The following FBXW4 variants were observed in gnomAD, a reference collection of about 807,000 sequenced individuals.
FBXW4 encodes F-box/WD repeat-containing protein 4.
In FBXW4, 40 loss-of-function variants were observed where a neutral mutation model predicts 61.8. The ratio of observed to expected loss-of-function variants is 0.65; its 90% CI spans 0.50 to 0.84. The LOEUF (loss-of-function observed/expected upper bound fraction) is 0.84. Among genes scored for constraint, FBXW4 ranks in the 40% least tolerant of loss-of-function variants. The pLI is 0.00. For missense variants in FBXW4, 672 were observed against 753.8 expected (o/e 0.89, Z 1.27); for synonymous variants, 311 against 313.8 (o/e 0.99, Z 0.10).
chr10:101,652,005 G>C (rs1255124498), intron 5 of FBXW4, among the ~76,000 whole-genome samples: 1 of 151,838 alleles, frequency 6.6e-6, no homozygotes, highest in Non-Finnish European at 1.5e-5. Context: ...TTTCAAATCC[G>C]AATGGGGAGG....
chr10:101,686,699 A>G (rs1440424216), intron 1 of FBXW4, among the ~76,000 whole-genome samples: 3 of 152,204 alleles, frequency 2.0e-5, no homozygotes, highest in African/African-American at 7.2e-5. Flanking sequence ...ATTAATCATC[A>G]AAACAGGTTC....
chr10:101,682,130 T>C (rs2064484837), intron 1 of FBXW4, among the ~76,000 whole-genome samples: 1 of 152,226 alleles, frequency 6.6e-6, no homozygotes, highest in Admixed American at 6.5e-5. Context: ...TATCCATTAA[T>C]GGTGTTGTCA....
At chr10:101,653,769 T>C (rs942249888) in intron 5 of FBXW4, among the ~76,000 whole-genome samples, 2 of 152,110 alleles carry the variant, frequency 1.3e-5, no homozygotes, top group East Asian at 3.9e-4. Flanking sequence ...ACAAACAGTC[T>C]CTTGTGTTTC....
intron 1 of FBXW4, among the ~76,000 whole-genome samples, chr10:101,680,773 T>C (rs148685697): frequency 0.012 from 1,869 of 152,314 alleles, 18 homozygotes; most frequent in Non-Finnish European, 0.018. Context: ...AAGACAAAAG[T>C]CATTAAATGA....
Position 101,624,824 on chromosome 10 carries a change from G to A in FBXW4, c.1236-14C>T. 1 of 1,614,226 alleles carries A rather than the reference G, an allele frequency of 6.2e-7. No individual in the cohort carries two copies. The highest frequency in any genetic ancestry group is 8.5e-7 in the Non-Finnish European group (1 of 1,180,004). ...GTCACAAAAGAGCTGCCAAACAAAAGGAGAACAAAGTCAGATCTGGCTTGT... is the reference window on the plus strand; with the variant it reads ...GTCACAAAAGAGCTGCCAAACAAAAAGAGAACAAAGTCAGATCTGGCTTGT... On this transcript the variant is annotated splice_polypyrimidine_tract_variant and intron_variant, in intron 5 of 8. Coordinates refer to ENST00000331272, the MANE Select transcript of FBXW4 (RefSeq NM_022039.4).
At chr10:101,630,813 G>A (rs2063948307) in intron 5 of FBXW4, among the ~76,000 whole-genome samples, 1 of 152,170 alleles carries the variant, frequency 6.6e-6, no homozygotes, top group South Asian at 2.1e-4. Flanking sequence ...TAGATGTGAT[G>A]GGAAGGGGAA....
chr10:101,653,993 C>T (rs1408249183), intron 5 of FBXW4, among the ~76,000 whole-genome samples: 1 of 151,952 alleles, frequency 6.6e-6, no homozygotes, highest in African/African-American at 2.4e-5. Flanking sequence ...TGGTGGCATG[C>T]ATCTGTAATC....
At chr10:101,641,200 G>T (rs1209985793) in intron 5 of FBXW4, among the ~76,000 whole-genome samples, 1 of 151,942 alleles carries the variant, frequency 6.6e-6, no homozygotes, top group Admixed American at 6.6e-5. Flanking sequence ...TATTTTCCAC[G>T]TATTCATCTA....
intron 3 of FBXW4, 107 bp from the exon 4 acceptor site, chr10:101,673,154 T>G: frequency 8.0e-6 from 11 of 1,378,358 alleles, no homozygotes; most frequent in African/African-American, 2.9e-5. Flanking sequence ...CCAAATTTGC[T>G]AAGCATTAGA....
Position 101,622,585 on chromosome 10 carries a change from A to T in FBXW4, c.1301+2160T>A, listed in dbSNP as rs552049199. ...TACTAAAAGATACAAAAAATTAGCC[A>T]GGTGTGGTGGCAGGTACCTGTAGTC... On this transcript the variant is annotated intron_variant, in intron 6 of 8. Coordinates refer to ENST00000331272, the MANE Select transcript of FBXW4 (RefSeq NM_022039.4). Among the ~76,000 whole-genome samples the T allele has an allele frequency of 5.3e-4, 80 of 152,180 alleles. 3 individuals carry two copies. The highest frequency in any genetic ancestry group is 4.7e-3 in the Admixed American group (72 of 15,282).
At chr10:101,672,303 T>G (rs1262501533) in intron 4 of FBXW4, among the ~76,000 whole-genome samples, 1 of 152,212 alleles carries the variant, frequency 6.6e-6, no homozygotes, top group East Asian at 1.9e-4. Flanking sequence ...TGGAAGCCTA[T>G]TTGATCCAGA....
intron 1 of FBXW4, among the ~76,000 whole-genome samples, chr10:101,686,406 T>C (rs2064534025): frequency 6.6e-6 from 1 of 152,108 alleles, no homozygotes; most frequent in South Asian, 2.1e-4. Context: ...AATTAGTTTT[T>C]CAAGAATCCC....
chr10:101,663,557 C>T (rs2064265561), intron 5 of FBXW4, among the ~76,000 whole-genome samples: 1 of 151,556 alleles, frequency 6.6e-6, no homozygotes, highest in Admixed American at 6.6e-5. Flanking sequence ...TTCAGAAGGC[C>T]AAGGTGGGAG....
chr10:101,640,484 C>CCTT (rs2064041598), intron 5 of FBXW4, among the ~76,000 whole-genome samples: 1 of 83,874 alleles, frequency 1.2e-5, no homozygotes, highest in Non-Finnish European at 2.0e-5. Flanking sequence ...CTTTCTTTCT[C>CCTT]TTTTTTTTTT....
chr10:101,627,655 G>A (rs1320655809), intron 5 of FBXW4, among the ~76,000 whole-genome samples: 2 of 152,128 alleles, frequency 1.3e-5, no homozygotes, highest in African/African-American at 4.8e-5. Flanking sequence ...CAGATACAAG[G>A]AGCAGAGGAA....
At position 101,666,058 on chromosome 10, in the gene FBXW4, G is replaced by C. The variant is rs998161420; in HGVS notation, c.1235+1828C>G. On this transcript the variant is annotated intron_variant, in intron 5 of 8. Transcript: ENST00000331272. ...AGCACTTTCCTTCTATTCAGCCCAC[G>C]GATACCCAGGTCTGGCTAACTGGCT... 2.0e-5 allele frequency among the ~76,000 whole-genome samples: 3 copies of C among 152,074 alleles called. No homozygotes were observed. The South Asian group carries it at 6.2e-4, about 32-fold the overall frequency.
chr10:101,642,234 T>C (rs1193257836), intron 5 of FBXW4, among the ~76,000 whole-genome samples: 1 of 151,576 alleles, frequency 6.6e-6, no homozygotes, highest in South Asian at 2.1e-4. Flanking sequence ...TATGAATATA[T>C]ACACATTTAA....
intron 5 of FBXW4, among the ~76,000 whole-genome samples, chr10:101,641,078 A>G (rs1338048180): frequency 1.4e-5 from 2 of 147,418 alleles, no homozygotes; most frequent in African/African-American, 2.5e-5. Context: ...TGATCCACCC[A>G]CCTCGGCCTC....
In FBXW4 at chr10:101,611,372, C is replaced by T; in HGVS notation, c.1623G>A (p.Val541=). The T allele has an allele frequency of 6.2e-7, 1 of 1,614,124 alleles. No homozygotes were observed. Among genetic ancestry groups the T allele is most frequent in the South Asian group, 1.1e-5 (1 of 91,072 alleles). The stretch of plus-strand genomic sequence containing the variant: ...GCTTGGTGGTGAGACGCAGGCAGTA[C>T]ACAGGGCTGCTGAGGGGAGTCGACG... The part of the protein sequence containing the change: ...PLTSTPLSSP[V]YCLRLTTKHL... The change falls in exon 9 of 9, where the codon GTG becomes GTA. Residue 541 remains valine (V), a synonymous_variant. Coordinates refer to ENST00000331272, the MANE Select transcript of FBXW4 (RefSeq NM_022039.4). The surrounding 1 kb of genome is among the most constrained non-coding windows in gnomAD (Gnocchi z 4.9).
Sources: allele counts gnomAD v4.1 joint callset (sites outside exome capture counted in the v4.1 genomes callset), GRCh38; gene constraint gnomAD v4.1.1; non-coding constraint Gnocchi (gnomAD v3.1); transcripts MANE v1.5; gene names NCBI Gene and HGNC (gene_info 2026-07-23, HGNC 2026-07-21).